ERC2: variants seen among roughly 807,000 people sequenced by gnomAD.
ERC2 encodes ELKS/RAB6-interacting/CAST family member 2, also known as ERC protein 2.
In ERC2, 42 loss-of-function variants were observed where a neutral mutation model predicts 114.8. The ratio of observed to expected loss-of-function variants is 0.37; its 90% CI spans 0.29 to 0.47. The LOEUF (loss-of-function observed/expected upper bound fraction) is 0.47, where lower values mean the gene tolerates loss of function less well. Ranked by LOEUF, ERC2 falls within the 20% of genes least tolerant of loss-of-function variation. The probability of loss-of-function intolerance (pLI) is 0.99; values close to 1 mark genes in which losing one functional copy is unlikely to be tolerated. For missense variants in ERC2, 939 were observed against 1,150.7 expected (o/e 0.82, Z 2.66); for synonymous variants, 454 against 425.5 (o/e 1.07, Z -0.82).
At chr3:55,576,605 A>C (rs1248260574) in intron 17 of ERC2, among the ~76,000 whole-genome samples, 1 of 152,196 alleles carries the variant, frequency 6.6e-6, no homozygotes, top group Admixed American at 6.5e-5. Context: ...CCAGAGCAAA[A>C]GTAGGAACAT....
At chr3:55,758,061 TA>T (rs897202117) in intron 14 of ERC2, among the ~76,000 whole-genome samples, 18 of 152,094 alleles carry the variant, frequency 1.2e-4, no homozygotes, top group African/African-American at 3.9e-4. Context: ...ATTAATGACT[TA>T]AAAAAAATTC....
chr3:55,977,984 TATC>T (rs1198988305), intron 12 of ERC2, among the ~76,000 whole-genome samples: 1 of 152,196 alleles, frequency 6.6e-6, no homozygotes, highest in Non-Finnish European at 1.5e-5. Flanking sequence ...CTTGCACAGA[TATC>T]ATATTATAAA....
At chr3:56,461,687 A>C (rs1559534152) in intron 1 of ERC2, among the ~76,000 whole-genome samples, 1 of 152,240 alleles carries the variant, frequency 6.6e-6, no homozygotes. Context: ...GATTCACATA[A>C]TCATGAACCA....
intron 6 of ERC2, among the ~76,000 whole-genome samples, chr3:56,111,681 T>A (rs745725706): frequency 6.6e-6 from 1 of 152,162 alleles, no homozygotes; most frequent in African/African-American, 2.4e-5. Flanking sequence ...AATTCATTCA[T>A]AGGATTTCAA....
intron 2 of ERC2, among the ~76,000 whole-genome samples, chr3:56,404,712 A>T (rs976622037): frequency 5.3e-5 from 8 of 151,792 alleles, no homozygotes; most frequent in South Asian, 2.1e-4. Context: ...ACCCATAAAA[A>T]TTTTTTTTAA....
At chr3:55,786,425 C>A (rs2069494479) in intron 14 of ERC2, among the ~76,000 whole-genome samples, 1 of 152,176 alleles carries the variant, frequency 6.6e-6, no homozygotes, top group African/African-American at 2.4e-5. Flanking sequence ...TCAAGCCTCA[C>A]AATTAATTCC....
chr3:56,358,211 CATAGGTTTCTG>C (rs1355275303), intron 2 of ERC2, among the ~76,000 whole-genome samples: 6 of 152,130 alleles, frequency 3.9e-5, no homozygotes, highest in Non-Finnish European at 8.8e-5. Context: ...ATGACTATGG[CATAGGTTTCTG>C]ATTACACCGA....
chr3:56,407,433 G>T (rs2107053660), intron 2 of ERC2, among the ~76,000 whole-genome samples: 1 of 152,144 alleles, frequency 6.6e-6, no homozygotes, highest in South Asian at 2.1e-4. Context: ...AACCACAGAG[G>T]GTATTTCTTA....
At chr3:55,934,471 C>T (rs554599385) in intron 13 of ERC2, among the ~76,000 whole-genome samples, 2 of 152,158 alleles carry the variant, frequency 1.3e-5, no homozygotes, top group Non-Finnish European at 2.9e-5. Flanking sequence ...GGTAGCTAGT[C>T]TTCTTATCCC....
intron 3 of ERC2, among the ~76,000 whole-genome samples, chr3:56,240,892 T>C (rs1462007723): frequency 6.6e-6 from 1 of 152,208 alleles, no homozygotes; most frequent in Non-Finnish European, 1.5e-5. Flanking sequence ...CGTGTGATGC[T>C]GAGGTTTGGG....
chr3:56,343,962 T>A (rs1360624717), intron 2 of ERC2, among the ~76,000 whole-genome samples: 1 of 152,178 alleles, frequency 6.6e-6, no homozygotes, highest in Non-Finnish European at 1.5e-5. Context: ...TGAATAATCC[T>A]TTCTGTTGAA....
chr3:55,932,923 A>C (rs930765869), intron 13 of ERC2, among the ~76,000 whole-genome samples: 2 of 152,228 alleles, frequency 1.3e-5, no homozygotes, highest in African/African-American at 2.4e-5. Flanking sequence ...AAGAATAAAG[A>C]AAGCACTGGG....
rs1559996207 is a variant in ERC2, at chr3:55,997,880, G to GTTTGTTTTT, written c.2062-5631_2062-5630insAAAAACAAA. On this transcript the variant is annotated intron_variant, in intron 10 of 17. Transcript: ENST00000288221. ...TTGAAATGTTATACATCTTAATTCTGTTTTTTTTTTTTTTTTTTTTTTTTT... is the reference window on the plus strand; with the variant it reads ...TTGAAATGTTATACATCTTAATTCTGTTTGTTTTTTTTTTTTTTTTTTTTTTTTTTTTTT... Among the ~76,000 whole-genome samples the GTTTGTTTTT allele has an allele frequency of 6.7e-5, 3 of 44,788 alleles. 1 individual carries two copies. The highest frequency in any genetic ancestry group is 4.0e-5 in the Non-Finnish European group (1 of 24,860). 29.4% of individuals were successfully genotyped at this position (44,788 alleles called of 152,430 possible).
chr3:55,525,187 C>T (rs1183595426), intron 17 of ERC2, among the ~76,000 whole-genome samples: 2 of 152,222 alleles, frequency 1.3e-5, no homozygotes, highest in African/African-American at 2.4e-5. Flanking sequence ...CTTTAATTTT[C>T]ACAAAATTAG....
In ERC2 at chr3:55,733,534, TCTCTCTCTCACACACACA is replaced by T. The variant is rs1325942887; in HGVS notation, c.2712+1219_2712+1236del. 1.1e-4 allele frequency among the ~76,000 whole-genome samples: 6 copies of T among 55,566 alleles called. No homozygotes were observed. In the South Asian group the frequency reaches 2.0e-3, roughly 18 times the overall value. The allele number at this position is 55,566 out of a possible 152,430, so 36.5% of individuals were successfully genotyped here. A position where few individuals can be genotyped will look rare whatever the true frequency, so the allele number is the denominator to read the frequency against. On this transcript the variant is annotated intron_variant, in intron 15 of 17. Coordinates refer to ENST00000288221, the MANE Select transcript of ERC2 (RefSeq NM_015576.3). ...CATTCTCTCTGTCTCTCATTCTTTC[TCTCTCTCTCACACACACA>T]CACACACACACACACACACACACAC...
At chr3:56,313,001 CATAT>C (rs3055903) in intron 2 of ERC2, among the ~76,000 whole-genome samples, 1,688 of 43,856 alleles carry the variant, frequency 0.038, 70 homozygotes, top group Middle Eastern at 0.096. Flanking sequence ...TATGTATATT[CATAT>C]ATATATATAT....
chr3:56,008,427 C>T (rs577847293), intron 9 of ERC2, among the ~76,000 whole-genome samples: 16 of 152,252 alleles, frequency 1.1e-4, no homozygotes, highest in South Asian at 1.0e-3. Flanking sequence ...GGTCTCAAAC[C>T]CAGGTCTACA....
intron 13 of ERC2, among the ~76,000 whole-genome samples, chr3:55,931,430 GA>G (rs2066079487): frequency 1.3e-5 from 2 of 152,136 alleles, no homozygotes; most frequent in Non-Finnish European, 2.9e-5. Flanking sequence ...CCATAAAAAA[GA>G]ATGAGTTCAT....
chr3:56,114,182 T>A (rs921852301), intron 6 of ERC2, among the ~76,000 whole-genome samples: 1 of 152,218 alleles, frequency 6.6e-6, no homozygotes, highest in Admixed American at 6.5e-5. Flanking sequence ...GCACGTTACA[T>A]ACATCCCATG....
Sources: allele counts gnomAD v4.1 joint callset (sites outside exome capture counted in the v4.1 genomes callset), GRCh38; gene constraint gnomAD v4.1.1; transcripts MANE v1.5; gene names NCBI Gene and HGNC (gene_info 2026-07-23, HGNC 2026-07-21).